SULF1: variants seen among roughly 807,000 people sequenced by gnomAD.
SULF1 encodes extracellular sulfatase Sulf-1.
A neutral mutation model predicts 110.5 loss-of-function variants in SULF1; 46 were observed. That is an observed-to-expected ratio of 0.42 (90% CI 0.33 to 0.53). The LOEUF (loss-of-function observed/expected upper bound fraction) is 0.53. SULF1 is among the 20% of genes least tolerant of loss of function. The pLI is 0.12. For synonymous variants in SULF1, 371 were observed against 387.1 expected, an observed-to-expected ratio of 0.96 and a Z score of 0.49; for missense variants, 941 against 1,094.2, an observed-to-expected ratio of 0.86 and a Z score of 1.98.
chr8:69,609,365 A>G (rs1312121796), intron 13 of SULF1, among the ~76,000 whole-genome samples: 2 of 152,164 alleles, frequency 1.3e-5, no homozygotes, highest in Admixed American at 6.5e-5. Flanking sequence ...AAACTAAAAT[A>G]ACAGAAAATA....
chr8:69,587,294 G>A (rs1279650856), intron 7 of SULF1, among the ~76,000 whole-genome samples: 1 of 152,080 alleles, frequency 6.6e-6, no homozygotes, highest in Admixed American at 6.6e-5. Context: ...TTATCTAGAA[G>A]AAGCCGAGAA....
At position 69,624,138 on chromosome 8, in the gene SULF1, G is replaced by A. The variant is rs770463320; in HGVS notation, c.1791G>A (p.Arg597=). 2 of 1,612,218 alleles carry A rather than the reference G, an allele frequency of 1.2e-6. No homozygotes were observed. Among genetic ancestry groups the A allele is most frequent in the Admixed American group, 1.7e-5 (1 of 59,934 alleles). ...CTTCCAGTGGTGGCAACAGGGGCAG[G>A]ATGCTGGCAGATAGCAGCAACGCCG... The part of the protein sequence containing the change: ...LQASSGGNRG[R]MLADSSNAVG... Residue 597 remains arginine, a synonymous_variant, in exon 15 of 23, where the codon AGG becomes AGA. Coordinates refer to ENST00000402687, the MANE Select transcript of SULF1 (RefSeq NM_001128205.2).
chr8:69,479,480 G>A (rs2150539304), intron 1 of SULF1, among the ~76,000 whole-genome samples: 1 of 152,252 alleles, frequency 6.6e-6, no homozygotes, highest in Middle Eastern at 3.4e-3. Context: ...AGGACAATTA[G>A]CAACTGAGGT....
Position 69,629,640 on chromosome 8 carries a change from C to A in SULF1, c.2245C>A (p.His749Asn), listed in dbSNP as rs1810365030. The change falls in exon 19 of 23, where the codon CAT becomes AAT. Residue 749 changes from histidine (H) to asparagine (N), a missense_variant. Around this residue, in one of 3 missense-constraint regions of SULF1, gnomAD observed 7 missense variants for 26.3 expected, o/e 0.27. Transcript: ENST00000402687. ...CCTGCCTGGCCTCACTTGCTTCACG[C>A]ATGACAACAACCACTGGCAGACAGC... ...CSLPGLTCFT[H>N]DNNHWQTAPF... is the part of the protein sequence containing the mutation. The A allele has an allele frequency of 6.2e-7, 1 of 1,612,406 alleles. No individual in the cohort carries two copies. The highest frequency in any genetic ancestry group is 1.7e-5 in the Admixed American group (1 of 59,750).
intron 19 of SULF1, 40 bp downstream of exon 19, chr8:69,629,719 CAG>C: frequency 1.3e-6 from 2 of 1,523,338 alleles, no homozygotes; most frequent in Non-Finnish European, 1.8e-6. Context: ...TGCCGCCATG[CAG>C]AGACAGCGAC....
intron 22 of SULF1, among the ~76,000 whole-genome samples, chr8:69,651,724 T>G (rs905201432): frequency 2.0e-5 from 3 of 152,148 alleles, no homozygotes; most frequent in Non-Finnish European, 4.4e-5. Flanking sequence ...ACTGGGTCAT[T>G]GTGTGTTGCT....
At chr8:69,577,617 G>C (rs1027940153) in intron 6 of SULF1, among the ~76,000 whole-genome samples, 16 of 152,164 alleles carry the variant, frequency 1.1e-4, no homozygotes, top group African/African-American at 3.9e-4. Flanking sequence ...GGGTGAGACA[G>C]GGCCCTGCCA....
intron 22 of SULF1, among the ~76,000 whole-genome samples, chr8:69,642,065 G>C (rs1478444599): frequency 6.6e-6 from 1 of 152,164 alleles, no homozygotes; most frequent in East Asian, 1.9e-4. Flanking sequence ...CAGTACCCTA[G>C]TTAATGTATC....
chr8:69,477,725 G>A (rs1809358514), intron 1 of SULF1, among the ~76,000 whole-genome samples: 1 of 152,152 alleles, frequency 6.6e-6, no homozygotes, highest in Non-Finnish European at 1.5e-5. Flanking sequence ...GAGCAAATTA[G>A]TTAAGATTTC....
chr8:69,582,737 G>T (rs1806164700), intron 6 of SULF1, among the ~76,000 whole-genome samples: 1 of 151,898 alleles, frequency 6.6e-6, no homozygotes, highest in African/African-American at 2.4e-5. Context: ...CCGTAGGGAT[G>T]AGGAGGAGGC....
At chr8:69,640,158 A>G (rs759507490) in intron 21 of SULF1, among the ~76,000 whole-genome samples, 7 of 151,772 alleles carry the variant, frequency 4.6e-5, no homozygotes, top group Non-Finnish European at 7.4e-5. Flanking sequence ...AAAGAAAGAA[A>G]GAAAAAAAGA....
chr8:69,647,299 G>A (rs1257170618), intron 22 of SULF1, among the ~76,000 whole-genome samples: 1 of 152,140 alleles, frequency 6.6e-6, no homozygotes, highest in East Asian at 1.9e-4. Flanking sequence ...CAAAATTGCA[G>A]TTTTTAATGT....
chr8:69,571,187 G>A (rs1279344506), intron 5 of SULF1, among the ~76,000 whole-genome samples: 1 of 152,208 alleles, frequency 6.6e-6, no homozygotes, highest in African/African-American at 2.4e-5. Flanking sequence ...TTCAGATGTA[G>A]ATTACAGAGA....
chr8:69,595,693 G>C (rs1311869403), intron 8 of SULF1, among the ~76,000 whole-genome samples: 1 of 152,084 alleles, frequency 6.6e-6, no homozygotes, highest in African/African-American at 2.4e-5. Context: ...AATCTTTAAG[G>C]GTTAGATCAT....
At chr8:69,517,401 T>C (rs1812001612) in intron 3 of SULF1, among the ~76,000 whole-genome samples, 1 of 152,226 alleles carries the variant, frequency 6.6e-6, no homozygotes, top group South Asian at 2.1e-4. Flanking sequence ...TCAGCTTTTG[T>C]AAGAAGAATA....
rs775137961 is a variant in SULF1 at position 69,627,279 on chromosome 8, G to A, written c.1920G>A (p.Lys640=). Residue 640 remains lysine, a synonymous_variant, in exon 16 of 23, where the codon AAG becomes AAA. Coordinates refer to ENST00000402687, the MANE Select transcript of SULF1 (RefSeq NM_001128205.2). ...TGTACCAATCGGCCAGAGCGTGGAA[G>A]GACCATAAGGCATACATTGACAAAG... The part of the protein sequence containing the change: ...RELYQSARAW[K]DHKAYIDKEI... 4 of 1,614,016 alleles carry A rather than the reference G, an allele frequency of 2.5e-6. No individual in the cohort carries two copies. Among genetic ancestry groups the A allele is most frequent in the Non-Finnish European group, 3.4e-6 (4 of 1,179,886 alleles).
intron 22 of SULF1, among the ~76,000 whole-genome samples, chr8:69,656,138 A>G (rs900276200): frequency 6.6e-6 from 1 of 152,194 alleles, no homozygotes; most frequent in Non-Finnish European, 1.5e-5. Context: ...TCATATTTGA[A>G]TTTCTGATTT....
At chr8:69,542,935 A>G (rs1478245630) in intron 3 of SULF1, among the ~76,000 whole-genome samples, 1 of 152,182 alleles carries the variant, frequency 6.6e-6, no homozygotes, top group Non-Finnish European at 1.5e-5. Context: ...TAATGGGGGT[A>G]AAGCAAATTA....
rs112260168 is a variant in SULF1 at position 69,515,629 on chromosome 8, C to T, written c.-134+13661C>T. ...CCAGAAAATGGGTTTTTCTTTTCTA[C>T]CACATGGTCAGACTGCAAATTTTCC... On this transcript the variant is annotated intron_variant, in intron 3 of 22. Transcript: ENST00000402687. Among the ~76,000 whole-genome samples, 1,247 of 152,302 alleles carry T rather than the reference C, an allele frequency of 8.2e-3. 22 individuals are homozygous for T. The highest frequency in any genetic ancestry group is 0.028 in the African/African-American group (1,182 of 41,556).
Sources: allele counts gnomAD v4.1 joint callset (sites outside exome capture counted in the v4.1 genomes callset), GRCh38; gene constraint gnomAD v4.1.1; regional missense constraint gnomAD v4.1.1; transcripts MANE v1.5; gene names NCBI Gene and HGNC (gene_info 2026-07-23, HGNC 2026-07-21).